Variants in FNDC3B observed in about 807,000 individuals in gnomAD.
FNDC3B encodes fibronectin type III domain-containing protein 3B.
In FNDC3B, 12 loss-of-function variants were observed where a neutral mutation model predicts 151.5. The observed-to-expected ratio is 0.08, with a 90% confidence interval of 0.05 to 0.13. The LOEUF is 0.13. FNDC3B is among the 10% of genes least tolerant of loss of function. The probability of loss-of-function intolerance (pLI) is 1.00; values close to 1 mark genes in which losing one functional copy is unlikely to be tolerated. For missense variants in FNDC3B, 1,214 were observed against 1,505.3 expected (o/e 0.81, Z 3.20); for synonymous variants, 528 against 549.0 (o/e 0.96, Z 0.54).
At chr3:172,099,340 A>C (rs1719257980) in intron 1 of FNDC3B, among the ~76,000 whole-genome samples, 1 of 152,092 alleles carries the variant, frequency 6.6e-6, no homozygotes, top group African/African-American at 2.4e-5. Context: ...TAAATGAATG[A>C]CCCTAGAAAA....
At chr3:172,163,026 G>A (rs1056071456) in intron 3 of FNDC3B, among the ~76,000 whole-genome samples, 5 of 152,064 alleles carry the variant, frequency 3.3e-5, no homozygotes, top group East Asian at 1.9e-4. Flanking sequence ...TAATTCCATC[G>A]CTTTGGGAGG....
intron 23 of FNDC3B, among the ~76,000 whole-genome samples, chr3:172,364,837 T>C (rs561291296): frequency 2.6e-5 from 4 of 152,316 alleles, no homozygotes; most frequent in Non-Finnish European, 5.9e-5. Flanking sequence ...TTAAGAAAAC[T>C]TCGCATTAGG....
chr3:172,230,672 C>T (rs1446207640), intron 4 of FNDC3B, among the ~76,000 whole-genome samples: 3 of 152,158 alleles, frequency 2.0e-5, no homozygotes, highest in Non-Finnish European at 1.5e-5. Context: ...CCTGAATAGA[C>T]ATTTCTCTAA....
At chr3:172,204,141 T>C (rs1725308587) in intron 3 of FNDC3B, among the ~76,000 whole-genome samples, 1 of 152,196 alleles carries the variant, frequency 6.6e-6, no homozygotes, top group Admixed American at 6.5e-5. Context: ...ATGCCTTGAA[T>C]GGATCCTCTT....
intron 3 of FNDC3B, among the ~76,000 whole-genome samples, chr3:172,201,476 C>T (rs1725151400): frequency 6.6e-6 from 1 of 152,162 alleles, no homozygotes; most frequent in African/African-American, 2.4e-5. Context: ...TGTTCTTCTG[C>T]CACTGGGCTC....
chr3:172,062,422 C>T (rs1428669114), intron 1 of FNDC3B, among the ~76,000 whole-genome samples: 1 of 151,902 alleles, frequency 6.6e-6, no homozygotes, highest in Non-Finnish European at 1.5e-5. Flanking sequence ...AGTGATTCTC[C>T]TGCCTCAGCC....
chr3:172,114,344 G>C (rs994577648), intron 2 of FNDC3B, among the ~76,000 whole-genome samples: 3 of 152,140 alleles, frequency 2.0e-5, no homozygotes, highest in Non-Finnish European at 4.4e-5. Context: ...AAGGTATTTA[G>C]TCAAATGTGA....
chr3:172,252,331 T>C (rs765846435), intron 6 of FNDC3B, among the ~76,000 whole-genome samples: 1 of 152,000 alleles, frequency 6.6e-6, no homozygotes, highest in Non-Finnish European at 1.5e-5. Flanking sequence ...TTTATAGATA[T>C]AAATGACTGG....
At chr3:172,342,134 G>A (rs1032745694) in intron 17 of FNDC3B, among the ~76,000 whole-genome samples, 2 of 152,200 alleles carry the variant, frequency 1.3e-5, no homozygotes, top group African/African-American at 4.8e-5. Context: ...CAACCCACTT[G>A]CAACATCAGT....
At chr3:172,239,628 C>G (rs947966055) in intron 4 of FNDC3B, among the ~76,000 whole-genome samples, 1 of 151,968 alleles carries the variant, frequency 6.6e-6, no homozygotes, top group Non-Finnish European at 1.5e-5. Flanking sequence ...TCTTTTGCCT[C>G]CTGCCTTTCA....
intron 16 of FNDC3B, 25 bp from the exon 17 acceptor site, chr3:172,341,088 G>T: frequency 6.7e-7 from 1 of 1,486,452 alleles, no homozygotes; most frequent in Non-Finnish European, 9.4e-7. Context: ...GAGGCATAAA[G>T]TCATGCATAA....
intron 9 of FNDC3B, chr3:172,302,857 T>TGAGAGA (rs58602625): frequency 2.0e-5 from 3 of 149,528 alleles, no homozygotes. Flanking sequence ...TGTGTATGTG[T>TGAGAGA]GAGAGAGAGA....
In FNDC3B at chr3:172,386,169, C is replaced by A. The variant is rs80167438; in HGVS notation, c.3303+5076C>A. Among the ~76,000 whole-genome samples, 7 of 152,274 alleles carry A rather than the reference C, an allele frequency of 4.6e-5. No individual in the cohort carries two copies. In the East Asian group the frequency reaches 9.6e-4, roughly 21 times the overall value. On this transcript the variant is annotated intron_variant, in intron 25 of 25. Coordinates refer to ENST00000415807, the MANE Select transcript of FNDC3B (RefSeq NM_022763.4). ...AGCTTAAAACTTCTTTTCAAATAGGCTTAACTGTAAAGTATTCTTTAAAAG... is the reference window on the plus strand; with the variant it reads ...AGCTTAAAACTTCTTTTCAAATAGGATTAACTGTAAAGTATTCTTTAAAAG...
intron 1 of FNDC3B, among the ~76,000 whole-genome samples, chr3:172,048,098 C>A (rs906384441): frequency 1.3e-5 from 2 of 152,086 alleles, no homozygotes; most frequent in African/African-American, 4.8e-5. Flanking sequence ...GAGTAAGTTT[C>A]TTTTAAAAGA....
intron 3 of FNDC3B, among the ~76,000 whole-genome samples, chr3:172,195,560 C>T (rs150701577): frequency 1.3e-5 from 2 of 152,356 alleles, no homozygotes; most frequent in Non-Finnish European, 2.9e-5. Context: ...TTTTGTGTAA[C>T]TTAGCTCTCT....
At chr3:172,055,147 A>G (rs918426663) in intron 1 of FNDC3B, among the ~76,000 whole-genome samples, 28 of 152,326 alleles carry the variant, frequency 1.8e-4, no homozygotes, top group African/African-American at 6.7e-4. Flanking sequence ...TCGGAAGTTC[A>G]TCTTTAAAAA....
At chr3:172,256,292 C>G (rs1011485080) in intron 6 of FNDC3B, among the ~76,000 whole-genome samples, 2 of 152,206 alleles carry the variant, frequency 1.3e-5, no homozygotes, top group Admixed American at 1.3e-4. Context: ...CTCTGTGAAG[C>G]CTGCCTGTCT....
intron 2 of FNDC3B, among the ~76,000 whole-genome samples, chr3:172,124,197 TCTC>T (rs1416615592): frequency 6.6e-6 from 1 of 152,166 alleles, no homozygotes; most frequent in African/African-American, 2.4e-5. Context: ...TTCAAGCAAT[TCTC>T]CTGCCTGAGC....
intron 3 of FNDC3B, among the ~76,000 whole-genome samples, chr3:172,176,361 G>A (rs530931503): frequency 3.4e-4 from 52 of 152,324 alleles, no homozygotes; most frequent in African/African-American, 1.1e-3. Flanking sequence ...TTCTGAGTGA[G>A]CCTGGTAGTT....
Sources: allele counts gnomAD v4.1 joint callset (sites outside exome capture counted in the v4.1 genomes callset), GRCh38; gene constraint gnomAD v4.1.1; transcripts MANE v1.5; gene names NCBI Gene and HGNC (gene_info 2026-07-23, HGNC 2026-07-21).